The following CDKAL1 variants were observed in gnomAD, a reference collection of about 807,000 sequenced individuals.
CDKAL1 encodes threonylcarbamoyladenosine tRNA methylthiotransferase.
A neutral mutation model predicts 68.2 loss-of-function variants in CDKAL1; 32 were observed. The ratio of observed to expected loss-of-function variants is 0.47; its 90% CI spans 0.35 to 0.63. The LOEUF is 0.63. CDKAL1 is among the 30% of genes least tolerant of loss of function. The pLI, the probability that CDKAL1 is intolerant of heterozygous loss-of-function variation, is 0.00. For synonymous variants in CDKAL1, 234 were observed against 244.3 expected, an observed-to-expected ratio of 0.96 and a Z score of 0.39; for missense variants, 606 against 696.7, an observed-to-expected ratio of 0.87 and a Z score of 1.47.
At chr6:21,033,338 A>AT (rs1446027349) in intron 11 of CDKAL1, among the ~76,000 whole-genome samples, 4 of 152,154 alleles carry the variant, frequency 2.6e-5, no homozygotes, top group Non-Finnish European at 4.4e-5. Context: ...TTGCTGAGAT[A>AT]TTTCTTTTTT....
At chr6:20,815,360 G>A (rs1198925436) in intron 8 of CDKAL1, among the ~76,000 whole-genome samples, 2 of 151,996 alleles carry the variant, frequency 1.3e-5, no homozygotes, top group African/African-American at 4.8e-5. Context: ...AAGTGTTTTA[G>A]GTTCTCTGTT....
rs1289634522 is a variant in CDKAL1 at position 21,161,667 on chromosome 6, G to A, written c.1300-36354G>A. On this transcript the variant is annotated intron_variant, in intron 13 of 15. Transcript: ENST00000274695. ...ACTATACACATAAAAATTAAATTTA[G>A]AGAAAAGAGTCTCAAAATTCACTCT... is the stretch of plus-strand genomic sequence containing the variant. Among the ~76,000 whole-genome samples the A allele has an allele frequency of 2.0e-5, 3 of 152,128 alleles. No homozygotes were observed. In the East Asian group the frequency reaches 5.8e-4, roughly 29 times the overall value.
intron 4 of CDKAL1, among the ~76,000 whole-genome samples, chr6:20,624,022 A>G (rs566773693): frequency 1.3e-5 from 2 of 152,162 alleles, no homozygotes; most frequent in Admixed American, 1.3e-4. Flanking sequence ...GTATGGGTTT[A>G]TTATTTATGT....
chr6:20,621,066 C>T (rs1767170535), intron 4 of CDKAL1, among the ~76,000 whole-genome samples: 1 of 151,976 alleles, frequency 6.6e-6, no homozygotes, highest in Non-Finnish European at 1.5e-5. Flanking sequence ...AAAGCCTTTC[C>T]ACTCTACCTT....
At chr6:20,989,726 T>C (rs562027914) in intron 10 of CDKAL1, among the ~76,000 whole-genome samples, 234 of 152,332 alleles carry the variant, frequency 1.5e-3, no homozygotes, top group African/African-American at 5.2e-3. Context: ...TACCTGTTCA[T>C]ATAATGTTTG....
intron 8 of CDKAL1, among the ~76,000 whole-genome samples, chr6:20,796,600 G>A (rs540944268): frequency 1.1e-4 from 16 of 152,190 alleles, no homozygotes; most frequent in African/African-American, 3.6e-4. Flanking sequence ...TAAAGTAGCA[G>A]CAATCAAGAG....
At chr6:21,190,325 A>G (rs1465431356) in intron 13 of CDKAL1, among the ~76,000 whole-genome samples, 2 of 152,180 alleles carry the variant, frequency 1.3e-5, no homozygotes, top group African/African-American at 4.8e-5. Context: ...TATTAGAACC[A>G]TGATGTAAAT....
At chr6:21,160,339 C>A (rs1229681795) in intron 13 of CDKAL1, among the ~76,000 whole-genome samples, 2 of 151,470 alleles carry the variant, frequency 1.3e-5, no homozygotes, top group African/African-American at 2.4e-5. Context: ...GCTCTGTCAC[C>A]CAGGCTGGAG....
chr6:20,853,391 C>CAA (rs763959365), intron 9 of CDKAL1, among the ~76,000 whole-genome samples: 3,151 of 55,376 alleles, frequency 0.057, 66 homozygotes, highest in Non-Finnish European at 0.094. Flanking sequence ...AAAAACAAAA[C>CAA]AAAAAAAAAA....
At chr6:21,142,810 A>G (rs144483159) in intron 13 of CDKAL1, among the ~76,000 whole-genome samples, 1 of 152,372 alleles carries the variant, frequency 6.6e-6, no homozygotes, top group East Asian at 1.9e-4. Context: ...CATTATTGGA[A>G]GAAGTTGAAG....
Position 20,559,229 on chromosome 6 carries a change from G to A in CDKAL1, c.286+10524G>A, listed in dbSNP as rs747264313. ...AGTGTCAACCTTAAAATTTTTTTAAGCAATATTTTTCTTATGTTTGAGAGT... is the reference window on the plus strand; with the variant it reads ...AGTGTCAACCTTAAAATTTTTTTAAACAATATTTTTCTTATGTTTGAGAGT... On this transcript the variant is annotated intron_variant, in intron 4 of 15. Coordinates refer to ENST00000274695, the MANE Select transcript of CDKAL1 (RefSeq NM_017774.3). 3.3e-5 allele frequency: 5 copies of A among 152,094 alleles called. No individual in the cohort carries two copies. In the East Asian group the frequency reaches 7.7e-4, roughly 23 times the overall value. 9.4% of individuals were successfully genotyped at this position (152,094 alleles called of 1,614,324 possible). A position where few individuals can be genotyped will look rare whatever the true frequency, so the allele number is the denominator to read the frequency against.
chr6:20,861,903 G>T lies in CDKAL1; in HGVS notation c.742+15725G>T, dbSNP rs12662176. 0.011 allele frequency among the ~76,000 whole-genome samples: 1,694 copies of T among 152,318 alleles called. 86 individuals carry two copies. In the East Asian group the frequency reaches 0.18, roughly 16 times the overall value. On this transcript the variant is annotated intron_variant, in intron 9 of 15. Coordinates refer to ENST00000274695, the MANE Select transcript of CDKAL1 (RefSeq NM_017774.3). The stretch of plus-strand genomic sequence containing the variant: ...GACATGTGAATGGAGAAGTCATATT[G>T]AATGTTCCAGCCACCACATTGATCA...
chr6:20,626,675 A>G lies in CDKAL1; in HGVS notation c.287-22618A>G, dbSNP rs189063446. Among the ~76,000 whole-genome samples, 461 of 152,324 alleles carry G rather than the reference A, an allele frequency of 3.0e-3. 3 individuals are homozygous for G. The highest frequency in any genetic ancestry group is 4.0e-3 in the Non-Finnish European group (274 of 68,022). On this transcript the variant is annotated intron_variant, in intron 4 of 15. Coordinates refer to ENST00000274695, the MANE Select transcript of CDKAL1 (RefSeq NM_017774.3). ...ACATTTTGAGGGTAGATATCTGCCA[A>G]CATTGACTTAGCTGCTCTGTAATGG...
chr6:21,012,496 T>C (rs185319026), intron 11 of CDKAL1, among the ~76,000 whole-genome samples: 2 of 152,278 alleles, frequency 1.3e-5, no homozygotes, highest in Admixed American at 6.5e-5. Flanking sequence ...CATGGGCTGA[T>C]GGATATAAGC....
intron 5 of CDKAL1, among the ~76,000 whole-genome samples, chr6:20,720,991 T>C (rs187883672): frequency 6.6e-6 from 1 of 152,350 alleles, no homozygotes; most frequent in Admixed American, 6.5e-5. Context: ...CTTTAAGTTC[T>C]AGGGTACATG....
intron 11 of CDKAL1, among the ~76,000 whole-genome samples, chr6:21,033,368 A>T (rs1769399371): frequency 1.3e-5 from 2 of 152,154 alleles, no homozygotes; most frequent in South Asian, 4.1e-4. Context: ...TTGACTAGTG[A>T]TAAAGGATGG....
At chr6:20,544,729 A>G (rs1002061070) in intron 2 of CDKAL1, among the ~76,000 whole-genome samples, 37 of 152,216 alleles carry the variant, frequency 2.4e-4, no homozygotes, top group Admixed American at 1.8e-3. Context: ...TATACCTACA[A>G]AAAAATCTTC....
Position 21,210,707 on chromosome 6 carries a change from C to A in CDKAL1, c.1548+9433C>A, listed in dbSNP as rs562859519. On this transcript the variant is annotated intron_variant, in intron 15 of 15. Coordinates refer to ENST00000274695, the MANE Select transcript of CDKAL1 (RefSeq NM_017774.3). ...TAAGAAGTTGGAAGATAGGAGATCT[C>A]TGATGACTTGAGGTATCAGGAAATG... is the stretch of plus-strand genomic sequence containing the variant. 1.1e-4 allele frequency among the ~76,000 whole-genome samples: 16 copies of A among 152,292 alleles called. 1 individual carries two copies. The South Asian group carries it at 3.3e-3, about 32-fold the overall frequency.
intron 9 of CDKAL1, among the ~76,000 whole-genome samples, chr6:20,902,963 G>A (rs749705710): frequency 7.2e-5 from 11 of 152,100 alleles, no homozygotes; most frequent in Non-Finnish European, 1.3e-4. Context: ...TACTTGGGCT[G>A]TCACTGTATT....
Sources: gnomAD v4.1 joint callset for allele counts (sites outside exome capture counted in the v4.1 genomes callset) on GRCh38, gnomAD v4.1.1 for gene constraint, MANE v1.5 for transcripts, NCBI Gene and HGNC (gene_info 2026-07-23, HGNC 2026-07-21) for gene names.